The following PARD3 variants were observed in gnomAD, a reference collection of about 807,000 sequenced individuals.
The protein encoded by PARD3 is partitioning defective 3 homolog.
In PARD3, 75 loss-of-function variants were observed where a neutral mutation model predicts 155.4. The observed-to-expected ratio is 0.48, with a 90% CI of 0.40 to 0.58. PARD3 has a LOEUF of 0.58. Ranked by LOEUF, PARD3 falls within the 20% of genes least tolerant of loss-of-function variation. The pLI, the probability that PARD3 is intolerant of heterozygous loss-of-function variation, is 0.00. For missense variants in PARD3, 1,642 were observed against 1,721.7 expected (o/e 0.95, Z 0.82); for synonymous variants, 576 against 610.5 (o/e 0.94, Z 0.83).
In PARD3 at chr10:34,367,864, C is replaced by T. The variant is rs775717405; in HGVS notation, c.1707+4634G>A. On this transcript the variant is annotated intron_variant, in intron 12 of 24. Coordinates refer to ENST00000374788, the MANE Select transcript of PARD3 (RefSeq NM_001184785.2). ...GTTAGCCTATCAAGATGGCTTCTGA[C>T]CTTCAAAAAAGTTCCTAAAGAATCC... 2.2e-4 allele frequency among the ~76,000 whole-genome samples: 34 copies of T among 152,196 alleles called. 1 individual carries two copies. Among genetic ancestry groups the T allele is most frequent in the Non-Finnish European group, 2.2e-4 (15 of 68,024 alleles).
chr10:34,220,716 T>G (rs914067347), intron 22 of PARD3, among the ~76,000 whole-genome samples: 2 of 152,214 alleles, frequency 1.3e-5, no homozygotes, highest in South Asian at 4.1e-4. Flanking sequence ...TTGGGAAGAT[T>G]ATGTGCACTT....
chr10:34,279,141 CTTT>C (rs143467605), intron 21 of PARD3, among the ~76,000 whole-genome samples: 6 of 102,046 alleles, frequency 5.9e-5, no homozygotes, highest in Non-Finnish European at 7.3e-5. Context: ...ATATTTTTTC[CTTT>C]TTTTTTTTTT....
chr10:34,143,543 C>T (rs2645230), intron 22 of PARD3, among the ~76,000 whole-genome samples: 39,948 of 152,026 alleles, frequency 0.26, 5,662 homozygotes, highest in Non-Finnish European at 0.3. Context: ...TGCTTTCTGT[C>T]TTTAATGACA....
At chr10:34,401,343 TG>T (rs1843861531) in intron 6 of PARD3, among the ~76,000 whole-genome samples, 1 of 152,196 alleles carries the variant, frequency 6.6e-6, no homozygotes, top group Admixed American at 6.6e-5. Context: ...TTAAATATCT[TG>T]AAAGATTCTA....
At chr10:34,341,318 A>G (rs1836805967) in intron 16 of PARD3, among the ~76,000 whole-genome samples, 1 of 152,222 alleles carries the variant, frequency 6.6e-6, no homozygotes, top group Admixed American at 6.5e-5. Context: ...TTAAAAAACA[A>G]TGCATCAAAT....
intron 22 of PARD3, among the ~76,000 whole-genome samples, chr10:34,145,218 TA>T (rs1263363306): frequency 0.02 from 1,292 of 64,898 alleles, 9 homozygotes; most frequent in East Asian, 0.038. Flanking sequence ...TATATATATA[TA>T]TATTTTTTTT....
chr10:34,293,375 C>G (rs1589080527), intron 20 of PARD3, among the ~76,000 whole-genome samples: 1 of 152,092 alleles, frequency 6.6e-6, no homozygotes, highest in Non-Finnish European at 1.5e-5. Flanking sequence ...CCCAGGTAAT[C>G]AAACCACACT....
At chr10:34,223,184 AG>A (rs1447443479) in intron 22 of PARD3, among the ~76,000 whole-genome samples, 1 of 152,152 alleles carries the variant, frequency 6.6e-6, no homozygotes, top group African/African-American at 2.4e-5. Flanking sequence ...TGGGGCTCGC[AG>A]GGCAGGAGGA....
intron 23 of PARD3, among the ~76,000 whole-genome samples, chr10:34,130,014 A>C (rs1162832274): frequency 6.6e-5 from 10 of 151,572 alleles, no homozygotes; most frequent in Non-Finnish European, 8.8e-5. Context: ...TACTCTTCCA[A>C]ATATCTAGTA....
In PARD3 at chr10:34,180,322, G is replaced by C. The variant is rs112004849; in HGVS notation, c.3420-48739C>G. ...AGCCACCCAAAGTGTTGGGATTACA[G>C]GCATGAGCCAATGCGCCTGGACCCC... On this transcript the variant is annotated intron_variant, in intron 22 of 24. Transcript: ENST00000374788. Among the ~76,000 whole-genome samples the C allele has an allele frequency of 7.3e-3, 1,111 of 152,302 alleles. 12 individuals carry two copies. The highest frequency in any genetic ancestry group is 0.025 in the African/African-American group (1,056 of 41,556).
At chr10:34,465,256 C>T (rs909988497) in intron 4 of PARD3, among the ~76,000 whole-genome samples, 2 of 152,088 alleles carry the variant, frequency 1.3e-5, no homozygotes, top group African/African-American at 4.8e-5. Flanking sequence ...GATGGCATTT[C>T]CCTGCTTCTA....
intron 4 of PARD3, among the ~76,000 whole-genome samples, chr10:34,468,305 T>C (rs2078132577): frequency 1.3e-5 from 2 of 152,224 alleles, no homozygotes; most frequent in African/African-American, 4.8e-5. Context: ...AAAAATGTTT[T>C]ATGATAAAAA....
intron 2 of PARD3, among the ~76,000 whole-genome samples, chr10:34,661,968 C>G (rs931026166): frequency 6.6e-6 from 1 of 152,192 alleles, no homozygotes; most frequent in Non-Finnish European, 1.5e-5. Flanking sequence ...GTCCTGCAGC[C>G]AGATCCTGCA....
intron 22 of PARD3, among the ~76,000 whole-genome samples, chr10:34,132,903 G>A (rs1209764870): frequency 6.6e-6 from 1 of 152,160 alleles, no homozygotes; most frequent in Non-Finnish European, 1.5e-5. Flanking sequence ...GTGCGGCAGA[G>A]AAGGGAGACG....
At chr10:34,596,714 A>C (rs1161091649) in intron 2 of PARD3, among the ~76,000 whole-genome samples, 1 of 152,184 alleles carries the variant, frequency 6.6e-6, no homozygotes, top group Admixed American at 6.5e-5. Flanking sequence ...AGAAAATGCC[A>C]ACACACACCA....
intron 2 of PARD3, among the ~76,000 whole-genome samples, chr10:34,559,614 T>G (rs937856125): frequency 6.6e-6 from 1 of 152,136 alleles, no homozygotes; most frequent in African/African-American, 2.4e-5. Context: ...CTTTTTAACA[T>G]CCCAACACAT....
intron 5 of PARD3, among the ~76,000 whole-genome samples, chr10:34,422,296 G>A (rs568159451): frequency 6.6e-6 from 1 of 152,184 alleles, no homozygotes; most frequent in Admixed American, 6.6e-5. Context: ...TAATGCTAAC[G>A]TCTACCCCAT....
At chr10:34,435,114 T>C (rs764448490) in intron 5 of PARD3, among the ~76,000 whole-genome samples, 1 of 152,206 alleles carries the variant, frequency 6.6e-6, no homozygotes, top group African/African-American at 2.4e-5. Context: ...TGATATCTAA[T>C]ATTAATTTAA....
At chr10:34,426,616 C>G (rs1255976189) in intron 5 of PARD3, 1 of 152,026 alleles carries the variant, frequency 6.6e-6, no homozygotes, top group African/African-American at 2.4e-5. Flanking sequence ...ACCATATCGG[C>G]TTAAGTTTAA....
Sources: allele counts gnomAD v4.1 joint callset (sites outside exome capture counted in the v4.1 genomes callset), GRCh38; gene constraint gnomAD v4.1.1; transcripts MANE v1.5; gene names NCBI Gene and HGNC (gene_info 2026-07-23, HGNC 2026-07-21).